The following PRMT8 variants were observed in gnomAD, a reference collection of about 807,000 sequenced individuals.
The protein encoded by PRMT8 is protein arginine methyltransferase 8.
PRMT8 carries 7 observed loss-of-function variants against 47.1 expected under a neutral mutation model. The ratio of observed to expected loss-of-function variants is 0.15; its 90% CI spans 0.08 to 0.28. The LOEUF is 0.28. Ranked by LOEUF, PRMT8 falls within the 10% of genes least tolerant of loss-of-function variation. The pLI is 1.00. For synonymous variants in PRMT8, 188 were observed against 186.5 expected (o/e 1.01, Z -0.07); for missense variants, 237 against 505.4 (o/e 0.47, Z 5.09).
intron 1 of PRMT8, among the ~76,000 whole-genome samples, chr12:3,533,091 C>T (rs1477709732): frequency 6.6e-6 from 1 of 152,114 alleles, no homozygotes. Context: ...TGCCAAGATC[C>T]CAGAGTTAGA....
At chr12:3,431,173 A>G (rs1429617140) in intron 1 of PRMT8, among the ~76,000 whole-genome samples, 3 of 152,190 alleles carry the variant, frequency 2.0e-5, no homozygotes, top group Admixed American at 6.5e-5. Context: ...TTTTTGTTCT[A>G]GAAATACCCT....
At position 3,593,088 on chromosome 12, in the gene PRMT8, C is replaced by T; in HGVS notation, c.1102-11C>T. 6.2e-7 allele frequency: 1 copy of T among 1,613,372 alleles called. No homozygotes were observed. Among genetic ancestry groups the T allele is most frequent in the Non-Finnish European group, 8.5e-7 (1 of 1,179,358 alleles). On this transcript the variant is annotated splice_polypyrimidine_tract_variant and intron_variant, in intron 9 of 9. Coordinates refer to ENST00000382622, the MANE Select transcript of PRMT8 (RefSeq NM_019854.5). The surrounding 1 kb of genome is among the most constrained non-coding windows in gnomAD (Gnocchi z 4.8). ...GGCCGCCTGACCCTTCGCTCTCTCTCTGCCTTGCAGCGAGACCTCGATTTC... is the reference window on the plus strand; with the variant it reads ...GGCCGCCTGACCCTTCGCTCTCTCTTTGCCTTGCAGCGAGACCTCGATTTC...
chr12:3,570,237 T>G lies in PRMT8; in HGVS notation c.712+673T>G, dbSNP rs937811958. On this transcript the variant is annotated intron_variant, in intron 6 of 9. Coordinates refer to ENST00000382622, the MANE Select transcript of PRMT8 (RefSeq NM_019854.5). The surrounding 1 kb of genome is among the most constrained non-coding windows in gnomAD (Gnocchi z 5.5). ...CCAAAAAACTTCTCCTCCCCCGCAA[T>G]GTTTTACCTGGTCTGAAAAGGGCTG... Among the ~76,000 whole-genome samples the G allele has an allele frequency of 2.0e-5, 3 of 152,182 alleles. No homozygotes were observed. The highest frequency in any genetic ancestry group is 7.2e-5 in the African/African-American group (3 of 41,448).
At chr12:3,568,048 G>C (rs574799810) in intron 4 of PRMT8, among the ~76,000 whole-genome samples, 1 of 150,534 alleles carries the variant, frequency 6.6e-6, no homozygotes, top group East Asian at 1.9e-4. Flanking sequence ...CTCCAGCCTG[G>C]GCAACAAGAG....
chr12:3,385,766 G>A (rs761807676), intron 1 of PRMT8, among the ~76,000 whole-genome samples: 4 of 152,222 alleles, frequency 2.6e-5, no homozygotes, highest in Non-Finnish European at 5.9e-5. Flanking sequence ...TCCAGGCATT[G>A]CAAAGCTCTT....
Position 3,394,969 on chromosome 12 carries a change from C to T in PRMT8, c.48+13527C>T, listed in dbSNP as rs1277160645. Among the ~76,000 whole-genome samples the T allele has an allele frequency of 6.6e-5, 10 of 150,572 alleles. 1 individual carries two copies. The highest frequency in any genetic ancestry group is 2.0e-4 in the East Asian group (1 of 5,050). ...GTGTATGTGTCGAGGAATTTATCCA[C>T]TTCTTCTAGATTTTCTAGTTTATTT... On this transcript the variant is annotated intron_variant, in intron 1 of 9. Coordinates refer to the PRMT8 transcript ENST00000452611.
intron 1 of PRMT8, among the ~76,000 whole-genome samples, chr12:3,413,786 G>C (rs1864456995): frequency 6.6e-6 from 1 of 151,964 alleles, no homozygotes; most frequent in Admixed American, 6.6e-5. Flanking sequence ...AAAAAATAAT[G>C]CAAATTAAAA....
At chr12:3,482,478 G>C (rs1401765840) in intron 1 of PRMT8, among the ~76,000 whole-genome samples, 6 of 152,146 alleles carry the variant, frequency 3.9e-5, no homozygotes, top group Admixed American at 3.9e-4. Context: ...CAGTTTTCTA[G>C]AAGTTAAAAA....
chr12:3,404,679 C>T (rs2109192), intron 1 of PRMT8, among the ~76,000 whole-genome samples: 37,002 of 152,054 alleles, frequency 0.24, 4,697 homozygotes, highest in Middle Eastern at 0.29. Context: ...TTAAGTTGTT[C>T]GGTTCTTCCC....
At chr12:3,488,035 A>G (rs765136032), upstream of PRMT8, among the ~76,000 whole-genome samples, 45 of 152,182 alleles carry the variant, frequency 3.0e-4, no homozygotes, top group Non-Finnish European at 1.5e-4. Flanking sequence ...AACCTGGTCA[A>G]CTTCTTGAGG....
At chr12:3,490,629 C>T (rs1408469089), upstream of PRMT8, among the ~76,000 whole-genome samples, 1 of 146,992 alleles carries the variant, frequency 6.8e-6, no homozygotes, top group Non-Finnish European at 1.5e-5. Flanking sequence ...TTTGCCCCTC[C>T]CTCTCAGCCT....
chr12:3,384,839 A>G (rs996292810), intron 1 of PRMT8, among the ~76,000 whole-genome samples: 10 of 151,470 alleles, frequency 6.6e-5, no homozygotes, highest in Admixed American at 4.6e-4. Flanking sequence ...GTTGTTGTGC[A>G]GGATTGTCCT....
chr12:3,587,726 C>T (rs1356262169), intron 8 of PRMT8, among the ~76,000 whole-genome samples: 1 of 152,220 alleles, frequency 6.6e-6, no homozygotes, highest in Non-Finnish European at 1.5e-5. Context: ...GAACTTGATG[C>T]AAAGTGTAGC....
chr12:3,421,142 G>GT (rs1864536364), intron 1 of PRMT8, among the ~76,000 whole-genome samples: 1 of 152,098 alleles, frequency 6.6e-6, no homozygotes, highest in African/African-American at 2.4e-5. Context: ...AAACATAATT[G>GT]TTTTTTTAAA....
chr12:3,452,460 C>T (rs992856448), intron 1 of PRMT8, among the ~76,000 whole-genome samples: 2 of 152,116 alleles, frequency 1.3e-5, no homozygotes, highest in African/African-American at 4.8e-5. Flanking sequence ...ATTTTCCCAC[C>T]AGATAGATCC....
chr12:3,578,666 G>A (rs1444904444), intron 7 of PRMT8, among the ~76,000 whole-genome samples: 1 of 152,196 alleles, frequency 6.6e-6, no homozygotes, highest in Non-Finnish European at 1.5e-5. Context: ...GTAGGATAAA[G>A]GGATTGGAGT....
At position 3,436,510 on chromosome 12, in the gene PRMT8, T is replaced by C. The variant is rs1029661279; in HGVS notation, c.48+55068T>C. ...TTTCTTTTTTTTTATGAGCTGCTAT[T>C]GTCAGCGTGCAGAAGATCTCTATTA... On this transcript the variant is annotated intron_variant, in intron 1 of 9. Transcript: ENST00000452611. The surrounding 1 kb of genome is among the most constrained non-coding windows in gnomAD (Gnocchi z 4.2). 1.3e-5 allele frequency among the ~76,000 whole-genome samples: 2 copies of C among 152,132 alleles called. No homozygotes were observed. Among genetic ancestry groups the C allele is most frequent in the African/African-American group, 4.8e-5 (2 of 41,418 alleles).
At chr12:3,556,424 G>T (rs149628305) in intron 4 of PRMT8, among the ~76,000 whole-genome samples, 3 of 152,050 alleles carry the variant, frequency 2.0e-5, no homozygotes, top group Non-Finnish European at 2.9e-5. Flanking sequence ...GCCCAGGGAG[G>T]GGGGCTTGCT....
rs1311467704 is a variant in PRMT8 at position 3,593,532 on chromosome 12, T to C, written c.*350T>C. 3.3e-6 allele frequency: 1 copy of C among 298,836 alleles called. No homozygotes were observed. The highest frequency in any genetic ancestry group is 1.0e-4 in the East Asian group (1 of 9,660). The allele number at this position is 298,836 out of a possible 1,614,324, so 18.5% of individuals were successfully genotyped here. The stretch of plus-strand genomic sequence containing the variant: ...TTCTGAGTTTTGCATGCTGCGGGTG[T>C]CTAGGACAGATTGCTTCCACTAGAA... On this transcript the variant is annotated 3_prime_UTR_variant, in exon 10 of 10. Transcript: ENST00000382622. The surrounding 1 kb of genome is among the most constrained non-coding windows in gnomAD (Gnocchi z 4.8).
Sources: allele counts gnomAD v4.1 joint callset (sites outside exome capture counted in the v4.1 genomes callset), GRCh38; gene constraint gnomAD v4.1.1; non-coding constraint Gnocchi (gnomAD v3.1); transcripts MANE v1.5; gene names NCBI Gene and HGNC (gene_info 2026-07-23, HGNC 2026-07-21).